The following PTTG1IP variants were observed in gnomAD, a reference collection of about 807,000 sequenced individuals.
PTTG1IP encodes PTTG1 interacting protein.
Under a neutral mutation model 24.4 loss-of-function variants are expected in PTTG1IP, and 16 were observed. That is an observed-to-expected ratio of 0.66 (90% CI 0.44 to 1.00). The LOEUF (loss-of-function observed/expected upper bound fraction) is 1.00, where lower values mean the gene tolerates loss of function less well. Among genes scored for constraint, PTTG1IP ranks in the 50% least tolerant of loss-of-function variants. The pLI, the probability that PTTG1IP is intolerant of heterozygous loss-of-function variation, is 0.00. For missense variants in PTTG1IP, 241 were observed against 245.8 expected, an observed-to-expected ratio of 0.98 and a Z score of 0.13; for synonymous variants, 89 against 96.8, an observed-to-expected ratio of 0.92 and a Z score of 0.47.
chr21:44,852,208 G>T (rs967551429), intron 5 of PTTG1IP, among the ~76,000 whole-genome samples: 3 of 150,790 alleles, frequency 2.0e-5, no homozygotes, highest in East Asian at 1.9e-4. Context: ...TTGAGACAGA[G>T]TTTTGCTCTT....
intron 3 of PTTG1IP, among the ~76,000 whole-genome samples, chr21:44,858,894 G>A (rs9980510): frequency 0.044 from 6,712 of 152,236 alleles, 489 homozygotes; most frequent in African/African-American, 0.15. Flanking sequence ...AGGATGTGGA[G>A]CAACCAAGTC....
chr21:44,866,374 A>G (rs539152239), intron 1 of PTTG1IP, among the ~76,000 whole-genome samples: 1 of 44,762 alleles, frequency 2.2e-5, no homozygotes, highest in Admixed American at 2.7e-4. Flanking sequence ...CCAATCCCAT[A>G]ACACACACAC....
At chr21:44,852,585 G>A (rs772680095) in intron 5 of PTTG1IP, among the ~76,000 whole-genome samples, 1 of 152,174 alleles carries the variant, frequency 6.6e-6, no homozygotes, top group East Asian at 1.9e-4. Context: ...AAGAGGCGGC[G>A]GGGAAGCAGA....
chr21:44,861,040 G>C, intron 3 of PTTG1IP, 123 bp downstream of exon 3: 2 of 700,702 alleles, frequency 2.9e-6, no homozygotes, highest in South Asian at 1.8e-5. Context: ...CTGACCTCTT[G>C]ATCCACCCGC....
intron 1 of PTTG1IP, among the ~76,000 whole-genome samples, chr21:44,871,637 C>T (rs957212805): frequency 5.3e-5 from 8 of 152,194 alleles, no homozygotes; most frequent in Non-Finnish European, 1.2e-4. Flanking sequence ...ATCAGTACTG[C>T]GGTCACATTC....
At chr21:44,860,752 A>G (rs2083484834) in intron 3 of PTTG1IP, among the ~76,000 whole-genome samples, 1 of 152,096 alleles carries the variant, frequency 6.6e-6, no homozygotes, top group South Asian at 2.1e-4. Flanking sequence ...CCTGGGAGTC[A>G]CAGAGCTACT....
chr21:44,858,679 C>T (rs964836980), intron 3 of PTTG1IP, among the ~76,000 whole-genome samples: 2 of 152,238 alleles, frequency 1.3e-5, no homozygotes, highest in Non-Finnish European at 2.9e-5. Flanking sequence ...ATGTGCAGGG[C>T]TGGGTGTTGT....
chr21:44,861,014 G>C (rs1216434669), intron 3 of PTTG1IP, 149 bp downstream of exon 3: 1 of 565,588 alleles, frequency 1.8e-6, no homozygotes, highest in Non-Finnish European at 3.1e-6. Flanking sequence ...ATGTTAGCCA[G>C]GATGGTCTCA....
intron 2 of PTTG1IP, among the ~76,000 whole-genome samples, chr21:44,863,658 CTA>C (rs2083511961): frequency 6.6e-6 from 1 of 152,208 alleles, no homozygotes. Flanking sequence ...CAATAGTGAG[CTA>C]TGTTTAAAGC....
At chr21:44,855,789 A>ACT (rs1486667410) in intron 4 of PTTG1IP, among the ~76,000 whole-genome samples, 1 of 152,178 alleles carries the variant, frequency 6.6e-6, no homozygotes, top group Non-Finnish European at 1.5e-5. Flanking sequence ...AGCACTCAGG[A>ACT]GAGTGCTGTG....
At chr21:44,854,624 C>T (rs565474717) in intron 5 of PTTG1IP, among the ~76,000 whole-genome samples, 1 of 152,232 alleles carries the variant, frequency 6.6e-6, no homozygotes, top group African/African-American at 2.4e-5. Flanking sequence ...GTATAGATAA[C>T]GTAATGTGTA....
chr21:44,855,127 A>T, intron 5 of PTTG1IP, 83 bp downstream of exon 5: 1 of 1,417,420 alleles, frequency 7.1e-7, no homozygotes. Flanking sequence ...GCCCCATCTC[A>T]GGCCACACTG....
intron 5 of PTTG1IP, 96 bp from the exon 6 acceptor site, chr21:44,851,723 T>C (rs775105614): frequency 7.7e-6 from 11 of 1,435,794 alleles, no homozygotes; most frequent in East Asian, 2.3e-5. Context: ...GAAGATTTAC[T>C]GAGGCTATAG....
intron 1 of PTTG1IP, among the ~76,000 whole-genome samples, chr21:44,866,469 A>G (rs1379677567): frequency 6.9e-5 from 3 of 43,288 alleles, no homozygotes; most frequent in Non-Finnish European, 8.6e-5. Flanking sequence ...CCCCAATCCC[A>G]TAACACACAC....
At chr21:44,858,606 C>T (rs765137605) in intron 3 of PTTG1IP, among the ~76,000 whole-genome samples, 4 of 152,208 alleles carry the variant, frequency 2.6e-5, no homozygotes, top group Non-Finnish European at 4.4e-5. Context: ...CCTGCGGGAC[C>T]CTGCGTGGCG....
intron 3 of PTTG1IP, among the ~76,000 whole-genome samples, chr21:44,856,837 G>C (rs568703052): frequency 2.6e-5 from 4 of 152,216 alleles, no homozygotes; most frequent in East Asian, 1.9e-4. Flanking sequence ...ATTTACAAGA[G>C]AAATAGACTC....
At position 44,851,040 on chromosome 21, in the gene PTTG1IP, G is replaced by A. The variant is rs2083406452; in HGVS notation, c.*541C>T. 7.3e-6 allele frequency: 2 copies of A among 273,588 alleles called. No homozygotes were observed. The highest frequency in any genetic ancestry group is 8.7e-5 in the South Asian group (1 of 11,474). 16.9% of individuals were successfully genotyped at this position (273,588 alleles called of 1,614,324 possible). A position where few individuals can be genotyped will look rare whatever the true frequency, so the allele number is the denominator to read the frequency against. ...TAGGACGTTAAGTCCTTATCAGACT[G>A]TGTACTGGAGCCCCGTGTCATCAGC... On this transcript the variant is annotated 3_prime_UTR_variant, in exon 6 of 6. Transcript: ENST00000330938.
At chr21:44,872,683 ACT>A (rs941181906) in intron 1 of PTTG1IP, among the ~76,000 whole-genome samples, 9 of 152,144 alleles carry the variant, frequency 5.9e-5, no homozygotes, top group African/African-American at 2.2e-4. Flanking sequence ...GGTTTCTGGA[ACT>A]CTGAGTCTCC....
intron 2 of PTTG1IP, among the ~76,000 whole-genome samples, chr21:44,865,098 A>G (rs1008755634): frequency 1.3e-5 from 2 of 152,192 alleles, no homozygotes. Flanking sequence ...CGGACAGCCA[A>G]ATTTCTCGCT....
Sources: allele counts gnomAD v4.1 joint callset (sites outside exome capture counted in the v4.1 genomes callset), GRCh38; gene constraint gnomAD v4.1.1; transcripts MANE v1.5; gene names NCBI Gene and HGNC (gene_info 2026-07-23, HGNC 2026-07-21).